FHOD3: variants seen among roughly 807,000 people sequenced by gnomAD.
FHOD3 encodes the protein formin homology 2 domain containing 3, also known as FH1/FH2 domain-containing protein 3.
FHOD3 carries 90 observed loss-of-function variants against 173.0 expected under a neutral mutation model. The observed-to-expected ratio is 0.52, with a 90% CI of 0.44 to 0.62. The LOEUF is 0.62. Among genes scored for constraint, FHOD3 ranks in the 20% least tolerant of loss-of-function variants. The pLI, the probability that FHOD3 is intolerant of heterozygous loss-of-function variation, is 0.00. For synonymous variants in FHOD3, 828 were observed against 823.0 expected (o/e 1.01, Z -0.10); for missense variants, 1,945 against 2,034.7 (o/e 0.96, Z 0.85).
rs562873781 is a variant in FHOD3 at position 36,699,365 on chromosome 18, G to C, written c.2236+5942G>C. 3.2e-4 allele frequency among the ~76,000 whole-genome samples: 49 copies of C among 152,390 alleles called. 1 individual carries two copies. The highest frequency in any genetic ancestry group is 1.3e-4 in the Non-Finnish European group (9 of 68,040). On this transcript the variant is annotated intron_variant, in intron 17 of 28. Transcript: ENST00000590592. ...GGCACTTGGGATGAACAAGTTTGCT[G>C]CATCTGGAGACACTCACAGAGAATC... is the stretch of plus-strand genomic sequence containing the variant.
At chr18:36,527,999 A>G (rs1246666222) in intron 5 of FHOD3, among the ~76,000 whole-genome samples, 1 of 151,850 alleles carries the variant, frequency 6.6e-6, no homozygotes, top group Non-Finnish European at 1.5e-5. Flanking sequence ...ATCCATAACC[A>G]TTTGCCCCTT....
intron 10 of FHOD3, among the ~76,000 whole-genome samples, chr18:36,645,427 C>CA (rs1310721488): frequency 3.7e-4 from 55 of 149,862 alleles, no homozygotes; most frequent in African/African-American, 1.1e-3. Flanking sequence ...GACTCTGTCT[C>CA]AAAAAAAAAG....
At chr18:36,532,148 TA>T (rs1260372122) in intron 5 of FHOD3, among the ~76,000 whole-genome samples, 1 of 152,196 alleles carries the variant, frequency 6.6e-6, no homozygotes, top group Non-Finnish European at 1.5e-5. Flanking sequence ...TTGTACCTCT[TA>T]ATGTTTATTC....
intron 14 of FHOD3, among the ~76,000 whole-genome samples, chr18:36,678,466 G>A (rs2038005497): frequency 6.8e-6 from 1 of 146,210 alleles, no homozygotes; most frequent in African/African-American, 2.6e-5. Context: ...GAGCTCGGGA[G>A]GTCAAGGATT....
intron 3 of FHOD3, among the ~76,000 whole-genome samples, chr18:36,418,997 T>TG (rs146930707): frequency 2.0e-4 from 31 of 152,148 alleles, no homozygotes; most frequent in Non-Finnish European, 4.3e-4. Context: ...AATAGTGGTC[T>TG]GGGGGGAATT....
chr18:36,548,684 A>G lies in FHOD3; in HGVS notation c.512-27767A>G, dbSNP rs142825829. On this transcript the variant is annotated intron_variant, in intron 5 of 28. Coordinates refer to ENST00000590592, the MANE Select transcript of FHOD3 (RefSeq NM_001281740.3). ...TACAATTGTGTATGAATTGGATCAT[A>G]CAGTACATGTCCTTTTATTGTCTGG... 3.9e-5 allele frequency among the ~76,000 whole-genome samples: 6 copies of G among 152,318 alleles called. No homozygotes were observed. In the East Asian group the frequency reaches 1.2e-3, roughly 29 times the overall value.
At chr18:36,613,128 C>A (rs2032860069) in intron 9 of FHOD3, among the ~76,000 whole-genome samples, 1 of 152,214 alleles carries the variant, frequency 6.6e-6, no homozygotes, top group Admixed American at 6.5e-5. Context: ...CCCCTGCCTG[C>A]CCAGTTGTAG....
intron 3 of FHOD3, among the ~76,000 whole-genome samples, chr18:36,383,924 C>T (rs970248795): frequency 1.3e-5 from 2 of 152,174 alleles, no homozygotes; most frequent in Admixed American, 6.5e-5. Context: ...TGCTCTGGAG[C>T]ACTTACTGTG....
Position 36,580,977 on chromosome 18 carries a change from T to C in FHOD3, c.606+4432T>C, listed in dbSNP as rs371289421. ...GGAGCAGAAACATCTTGTCACTGTG[T>C]TTTCATAATTCATCATTTTTCTTCC... On this transcript the variant is annotated intron_variant, in intron 6 of 28. Coordinates refer to ENST00000590592, the MANE Select transcript of FHOD3 (RefSeq NM_001281740.3). 9.8e-5 allele frequency among the ~76,000 whole-genome samples: 15 copies of C among 152,342 alleles called. No individual in the cohort carries two copies. The East Asian group carries it at 1.7e-3, about 18-fold the overall frequency.
At chr18:36,593,326 T>C (rs772278297) in intron 6 of FHOD3, among the ~76,000 whole-genome samples, 15 of 152,130 alleles carry the variant, frequency 9.9e-5, no homozygotes, top group Non-Finnish European at 1.6e-4. Context: ...TTGAAGAAGT[T>C]TCCTCATATA....
At chr18:36,707,915 A>G (rs1228142458) in intron 17 of FHOD3, among the ~76,000 whole-genome samples, 4 of 152,102 alleles carry the variant, frequency 2.6e-5, no homozygotes, top group Non-Finnish European at 5.9e-5. Flanking sequence ...CCAGGGTTCC[A>G]GAAGAGTGGG....
rs7227881 is a variant in FHOD3, at chr18:36,543,675, C to T, written c.511+31132C>T. On this transcript the variant is annotated intron_variant, in intron 5 of 28. Coordinates refer to ENST00000590592, the MANE Select transcript of FHOD3 (RefSeq NM_001281740.3). ...CCACTGGGGATGTGAGGTAGAGGAG[C>T]AAGCCCCGCGTACTGGCCTCACACT... 5.4e-3 allele frequency among the ~76,000 whole-genome samples: 815 copies of T among 152,282 alleles called. 9 individuals are homozygous for T. Among genetic ancestry groups the T allele is most frequent in the African/African-American group, 0.019 (779 of 41,546 alleles).
At chr18:36,592,717 C>A (rs1320608511) in intron 6 of FHOD3, among the ~76,000 whole-genome samples, 1 of 152,134 alleles carries the variant, frequency 6.6e-6, no homozygotes, top group Admixed American at 6.5e-5. Context: ...TGCAGGCAAA[C>A]CCTTCCCAGT....
chr18:36,693,343 G>A lies in FHOD3; in HGVS notation c.2156G>A (p.Ser719Asn), dbSNP rs1283012295. Reference sequence around the variant, plus strand: ...GCCCCAGCCTGCCTGGCTCCTCTGAGCCATAGCCCCTCATCTTCAGACTCT... The same window carrying A: ...GCCCCAGCCTGCCTGGCTCCTCTGAACCATAGCCCCTCATCTTCAGACTCT... The part of the protein sequence containing the change: ...PAAPACLAPL[S>N]HSPSSSDSQE... The change falls in exon 17 of 29, where the codon AGC (serine) becomes AAC (asparagine). Residue 719 changes from serine to asparagine, a missense_variant. Coordinates refer to ENST00000590592, the MANE Select transcript of FHOD3 (RefSeq NM_001281740.3). 1 of 1,613,832 alleles carries A rather than the reference G, an allele frequency of 6.2e-7. No individual in the cohort carries two copies. Among genetic ancestry groups the A allele is most frequent in the Non-Finnish European group, 8.5e-7 (1 of 1,179,864 alleles).
At chr18:36,481,552 A>T (rs754769059) in intron 3 of FHOD3, among the ~76,000 whole-genome samples, 21 of 151,578 alleles carry the variant, frequency 1.4e-4, no homozygotes, top group Middle Eastern at 3.4e-3. Context: ...GCTTTCTTAC[A>T]TGGTTCTGAA....
intron 3 of FHOD3, among the ~76,000 whole-genome samples, chr18:36,438,879 G>A (rs1182958805): frequency 1.3e-5 from 2 of 152,226 alleles, no homozygotes; most frequent in Non-Finnish European, 2.9e-5. Flanking sequence ...TGTGGCCTCA[G>A]GGTGAGGCCT....
In FHOD3 at chr18:36,599,309, A is replaced by G. The variant is rs1366191525; in HGVS notation, c.719-3365A>G. Among the ~76,000 whole-genome samples the G allele has an allele frequency of 2.0e-5, 3 of 152,224 alleles. No homozygotes were observed. In the East Asian group the frequency reaches 5.8e-4, roughly 29 times the overall value. On this transcript the variant is annotated intron_variant, in intron 7 of 28. Transcript: ENST00000590592. ...TCTGGCTCAGCAGAGCTTTTGAAGT[A>G]GTTCAATTTTTCATTTGATAATTCT... is the stretch of plus-strand genomic sequence containing the variant.
At chr18:36,605,312 ATTC>A (rs1448783215) in intron 8 of FHOD3, among the ~76,000 whole-genome samples, 3 of 152,164 alleles carry the variant, frequency 2.0e-5, no homozygotes, top group African/African-American at 7.2e-5. Flanking sequence ...ATTCCCAGCT[ATTC>A]TTATGATCAT....
At chr18:36,772,753 A>AG (rs1491105750) in intron 28 of FHOD3, among the ~76,000 whole-genome samples, 1 of 152,184 alleles carries the variant, frequency 6.6e-6, no homozygotes, top group Non-Finnish European at 1.5e-5. Flanking sequence ...GGTGCCAATC[A>AG]GGGGCACATT....
Sources: allele counts gnomAD v4.1 joint callset (sites outside exome capture counted in the v4.1 genomes callset), GRCh38; gene constraint gnomAD v4.1.1; transcripts MANE v1.5; gene names NCBI Gene and HGNC (gene_info 2026-07-23, HGNC 2026-07-21).